Variants in CLEC16A observed in about 807,000 individuals in gnomAD.
The protein encoded by CLEC16A is C-type lectin domain containing 16A.
CLEC16A carries 51 observed loss-of-function variants against 109.5 expected under a neutral mutation model. The observed-to-expected ratio is 0.47, with a 90% CI of 0.37 to 0.59. The LOEUF is 0.59. Among genes scored for constraint, CLEC16A ranks in the 20% least tolerant of loss-of-function variants. The probability of loss-of-function intolerance (pLI) is 0.00; values close to 1 mark genes in which losing one functional copy is unlikely to be tolerated. For synonymous variants in CLEC16A, 673 were observed against 564.2 expected, an observed-to-expected ratio of 1.19 and a Z score of -2.73; for missense variants, 1,339 against 1,394.0, an observed-to-expected ratio of 0.96 and a Z score of 0.63.
At chr16:11,135,795 C>T (rs1031951193) in intron 22 of CLEC16A, among the ~76,000 whole-genome samples, 1 of 152,262 alleles carries the variant, frequency 6.6e-6, no homozygotes, top group African/African-American at 2.4e-5. Flanking sequence ...GGCAGCACAG[C>T]ACAGGCCAGT....
intron 22 of CLEC16A, among the ~76,000 whole-genome samples, chr16:11,133,821 T>C (rs2053391605): frequency 6.6e-6 from 1 of 152,200 alleles, no homozygotes; most frequent in Non-Finnish European, 1.5e-5. Context: ...AAGAAGGACC[T>C]GGGGCTTCCT....
rs191707212 is a variant in CLEC16A at position 11,034,734 on chromosome 16, C to T, written c.1538-5020C>T. Among the ~76,000 whole-genome samples the T allele has an allele frequency of 1.8e-3, 279 of 152,262 alleles. 2 individuals carry two copies. The highest frequency in any genetic ancestry group is 6.5e-3 in the African/African-American group (269 of 41,538). On this transcript the variant is annotated intron_variant, in intron 13 of 23. Coordinates refer to ENST00000409790, the MANE Select transcript of CLEC16A (RefSeq NM_015226.3). ...GCTCCCGTGAAGTGCAGCAGGGTTT[C>T]TTTGGAATTTGTCTGTCACAAAGCA...
intron 10 of CLEC16A, among the ~76,000 whole-genome samples, chr16:11,002,600 A>G (rs976437666): frequency 6.6e-6 from 1 of 152,122 alleles, no homozygotes; most frequent in Non-Finnish European, 1.5e-5. Flanking sequence ...CCATCACTGG[A>G]GTAATGCGCA....
chr16:11,142,126 G>A (rs1260065511), intron 22 of CLEC16A, among the ~76,000 whole-genome samples: 1 of 152,136 alleles, frequency 6.6e-6, no homozygotes, highest in African/African-American at 2.4e-5. Flanking sequence ...CTACTTACCG[G>A]GGGAGGAGGC....
At chr16:10,977,976 G>T (rs992097470) in intron 8 of CLEC16A, among the ~76,000 whole-genome samples, 4 of 152,160 alleles carry the variant, frequency 2.6e-5, no homozygotes, top group African/African-American at 9.7e-5. Flanking sequence ...ACAAATGTAG[G>T]GTTTTGGTTT....
At chr16:11,138,811 C>T (rs138936537) in intron 22 of CLEC16A, among the ~76,000 whole-genome samples, 1 of 152,304 alleles carries the variant, frequency 6.6e-6, no homozygotes, top group African/African-American at 2.4e-5. Flanking sequence ...GGTCAAACCA[C>T]TGTTCATTGA....
At chr16:11,133,834 A>G (rs28628758) in intron 22 of CLEC16A, among the ~76,000 whole-genome samples, 6,370 of 152,272 alleles carry the variant, frequency 0.042, 439 homozygotes, top group African/African-American at 0.15. Context: ...GGCTTCCTCC[A>G]GCTTCTCCAG....
At chr16:11,121,116 G>A (rs1177961824) in intron 20 of CLEC16A, among the ~76,000 whole-genome samples, 1 of 152,176 alleles carries the variant, frequency 6.6e-6, no homozygotes, top group African/African-American at 2.4e-5. Flanking sequence ...ACTTGAGAGT[G>A]TATGTGTGTG....
chr16:11,120,162 G>T (rs1488520006), intron 19 of CLEC16A, among the ~76,000 whole-genome samples: 1 of 152,162 alleles, frequency 6.6e-6, no homozygotes, highest in African/African-American at 2.4e-5. Flanking sequence ...GTAGAGACAG[G>T]ATTTCACCAT....
intron 19 of CLEC16A, among the ~76,000 whole-genome samples, chr16:11,076,817 C>T (rs1392982418): frequency 3.9e-5 from 6 of 152,194 alleles, no homozygotes; most frequent in African/African-American, 1.2e-4. Flanking sequence ...CCAGGTCCAC[C>T]CTGCCCTCAG....
At chr16:11,010,577 C>T (rs923611442) in intron 11 of CLEC16A, among the ~76,000 whole-genome samples, 4 of 152,222 alleles carry the variant, frequency 2.6e-5, no homozygotes, top group African/African-American at 7.2e-5. Context: ...ACACACCCCA[C>T]GCACATTCAT....
chr16:10,982,848 T>C (rs374440412), intron 9 of CLEC16A, 30 bp from the exon 10 acceptor site: 2 of 1,327,846 alleles, frequency 1.5e-6, no homozygotes, highest in South Asian at 2.4e-5. Flanking sequence ...CACACTTTCA[T>C]GCAAATCCCG....
intron 19 of CLEC16A, among the ~76,000 whole-genome samples, chr16:11,071,938 G>A (rs939285901): frequency 6.6e-6 from 1 of 151,848 alleles, no homozygotes; most frequent in East Asian, 1.9e-4. Flanking sequence ...TTCTGTGGGA[G>A]TATGTTCTTG....
intron 19 of CLEC16A, among the ~76,000 whole-genome samples, chr16:11,083,570 G>A (rs184567320): frequency 3.9e-5 from 6 of 152,278 alleles, no homozygotes; most frequent in Non-Finnish European, 7.4e-5. Flanking sequence ...CAGAGCCCTC[G>A]GTCTCCTCCG....
chr16:11,100,315 C>T (rs4781037), intron 19 of CLEC16A, among the ~76,000 whole-genome samples: 333 of 152,328 alleles, frequency 2.2e-3, no homozygotes, highest in Non-Finnish European at 3.8e-3. Flanking sequence ...CTTTCCCTTT[C>T]TCCGCCTGCT....
chr16:10,965,522 G>T (rs1338771521), intron 3 of CLEC16A, among the ~76,000 whole-genome samples: 1 of 152,084 alleles, frequency 6.6e-6, no homozygotes, highest in African/African-American at 2.4e-5. Flanking sequence ...CTGTAACCCT[G>T]CCTGGTTTGG....
chr16:11,009,740 C>T (rs576533993), intron 11 of CLEC16A, among the ~76,000 whole-genome samples: 1 of 152,304 alleles, frequency 6.6e-6, no homozygotes, highest in African/African-American at 2.4e-5. Flanking sequence ...TAGCCTGGGG[C>T]AGAGACTAAT....
chr16:10,991,423 CAAA>C (rs756161193), intron 10 of CLEC16A, among the ~76,000 whole-genome samples: 2 of 63,338 alleles, frequency 3.2e-5, no homozygotes, highest in Middle Eastern at 9.4e-3. Flanking sequence ...GACTCCGTCT[CAAA>C]AAAAAAAAAA....
intron 10 of CLEC16A, among the ~76,000 whole-genome samples, chr16:10,992,276 C>CGCATCCCT (rs142390738): frequency 0.18 from 27,077 of 151,728 alleles, 2,587 homozygotes; most frequent in South Asian, 0.3. Context: ...CTTCCCCATC[C>CGCATCCCT]GCATCCCTGC....
Sources: allele counts gnomAD v4.1 joint callset (sites outside exome capture counted in the v4.1 genomes callset), GRCh38; gene constraint gnomAD v4.1.1; transcripts MANE v1.5; gene names NCBI Gene and HGNC (gene_info 2026-07-23, HGNC 2026-07-21).